The following RBFOX1 variants were observed in gnomAD, a reference collection of about 807,000 sequenced individuals.
RBFOX1 encodes the protein RNA binding protein fox-1 homolog 1.
RBFOX1 carries 8 observed loss-of-function variants against 57.7 expected under a neutral mutation model. The ratio of observed to expected loss-of-function variants is 0.14; its 90% CI spans 0.08 to 0.25. RBFOX1 has a LOEUF of 0.25. RBFOX1 is among the 10% of genes least tolerant of loss of function. RBFOX1 has a pLI of 1.00. For missense variants in RBFOX1, 611 were observed against 548.5 expected (o/e 1.11, Z -1.14); for synonymous variants, 326 against 222.4 (o/e 1.47, Z -4.15).
intron 3 of RBFOX1, among the ~76,000 whole-genome samples, chr16:6,798,540 C>A (rs915039789): frequency 6.6e-6 from 1 of 152,074 alleles, no homozygotes; most frequent in African/African-American, 2.4e-5. Flanking sequence ...AGATAACACC[C>A]CCAATTCTAA....
At chr16:6,020,057 C>A (rs1315085786) in intron 1 of RBFOX1, 65 bp downstream of exon 1, 3 of 1,363,810 alleles carry the variant, frequency 2.2e-6, no homozygotes, top group Non-Finnish European at 2.9e-6. Context: ...TCCAGAAGGT[C>A]TCATGGAGGG....
At chr16:5,844,310 G>T (rs1301475215) in intron 3 of RBFOX1, among the ~76,000 whole-genome samples, 4 of 152,176 alleles carry the variant, frequency 2.6e-5, no homozygotes, top group African/African-American at 7.2e-5. Context: ...AATGATGCAT[G>T]CTGCATTTTA....
chr16:5,412,871 G>C (rs1200218147), intron 1 of RBFOX1, among the ~76,000 whole-genome samples: 1 of 152,192 alleles, frequency 6.6e-6, no homozygotes, highest in Non-Finnish European at 1.5e-5. Context: ...GCAGACAACT[G>C]TGAGCAAATG....
chr16:6,670,863 G>A (rs968629224), intron 3 of RBFOX1, among the ~76,000 whole-genome samples: 4 of 151,888 alleles, frequency 2.6e-5, no homozygotes, highest in South Asian at 2.1e-4. Context: ...AGCCGGGCAT[G>A]GTGGCGGGAG....
At chr16:5,416,726 C>T (rs960161825) in intron 1 of RBFOX1, among the ~76,000 whole-genome samples, 1 of 151,240 alleles carries the variant, frequency 6.6e-6, no homozygotes, top group Admixed American at 6.6e-5. Flanking sequence ...CTCTGTATCT[C>T]CTCTTTTGGG....
chr16:5,558,056 C>G (rs1163052171), intron 2 of RBFOX1, among the ~76,000 whole-genome samples: 1 of 152,156 alleles, frequency 6.6e-6, no homozygotes, highest in Non-Finnish European at 1.5e-5. Flanking sequence ...ACTCTATCCC[C>G]CGCTTCCAGC....
chr16:6,146,137 C>T (rs766658209), intron 1 of RBFOX1, among the ~76,000 whole-genome samples: 22 of 152,220 alleles, frequency 1.4e-4, no homozygotes, highest in Admixed American at 5.2e-4. Flanking sequence ...TATATCACCC[C>T]GAAAACAGCA....
At chr16:5,772,581 C>G (rs1015573485) in intron 3 of RBFOX1, among the ~76,000 whole-genome samples, 5 of 152,224 alleles carry the variant, frequency 3.3e-5, no homozygotes, top group African/African-American at 7.2e-5. Context: ...AGCATATCTG[C>G]AAGTATTTAT....
At chr16:6,971,266 A>G (rs2085476423) in intron 3 of RBFOX1, among the ~76,000 whole-genome samples, 1 of 152,172 alleles carries the variant, frequency 6.6e-6, no homozygotes, top group Non-Finnish European at 1.5e-5. Flanking sequence ...CTTCTGGAAC[A>G]CCTTGGGGAT....
At chr16:7,491,496 G>T (rs370811780) in intron 4 of RBFOX1, among the ~76,000 whole-genome samples, 1 of 151,454 alleles carries the variant, frequency 6.6e-6, no homozygotes, top group Admixed American at 6.6e-5. Context: ...CTGATTTTCA[G>T]AATTCCTTTG....
chr16:6,734,700 G>C (rs955773534), intron 3 of RBFOX1, among the ~76,000 whole-genome samples: 1 of 152,174 alleles, frequency 6.6e-6, no homozygotes, highest in Non-Finnish European at 1.5e-5. Context: ...GGAAGAGTCA[G>C]AAAGCAGCAC....
chr16:5,471,490 CA>C (rs1401618381), intron 2 of RBFOX1, among the ~76,000 whole-genome samples: 1 of 151,964 alleles, frequency 6.6e-6, no homozygotes, highest in African/African-American at 2.4e-5. Context: ...GCTGGCAGCC[CA>C]GGAAGCTGAA....
intron 3 of RBFOX1, among the ~76,000 whole-genome samples, chr16:5,803,497 ACTTT>A (rs1257897824): frequency 6.6e-6 from 1 of 152,204 alleles, no homozygotes; most frequent in African/African-American, 2.4e-5. Context: ...TAACGGTGCT[ACTTT>A]CTTTGTGAGA....
intron 2 of RBFOX1, among the ~76,000 whole-genome samples, chr16:5,524,752 G>A (rs570220575): frequency 6.6e-6 from 1 of 152,110 alleles, no homozygotes; most frequent in African/African-American, 2.4e-5. Context: ...TGTTGGCCAG[G>A]CTGGTCTTGA....
At chr16:7,684,310 T>C (rs374401055) in intron 14 of RBFOX1, among the ~76,000 whole-genome samples, 19 of 152,154 alleles carry the variant, frequency 1.2e-4, no homozygotes, top group African/African-American at 4.6e-4. Context: ...AATTAACATA[T>C]GAAACATTTA....
At chr16:5,270,371 T>A (rs113331937) in intron 1 of RBFOX1, 14 of 1,228,902 alleles carry the variant, frequency 1.1e-5, no homozygotes, top group African/African-American at 4.4e-5. Context: ...GGGTCTTGTG[T>A]TTGAAGTGAG....
intron 3 of RBFOX1, among the ~76,000 whole-genome samples, chr16:5,640,542 A>G (rs146826353): frequency 1.3e-5 from 2 of 151,664 alleles, no homozygotes; most frequent in African/African-American, 2.4e-5. Context: ...ACACACATGC[A>G]CATACATGCA....
At chr16:6,905,966 C>G (rs532959033) in intron 3 of RBFOX1, among the ~76,000 whole-genome samples, 1 of 152,164 alleles carries the variant, frequency 6.6e-6, no homozygotes, top group Non-Finnish European at 1.5e-5. Flanking sequence ...TTGTTAGGTG[C>G]CAGGCTGCAG....
Position 7,438,041 on chromosome 16 carries a change from G to A in RBFOX1, c.28-80106G>A, listed in dbSNP as rs574799628. Among the ~76,000 whole-genome samples the A allele has an allele frequency of 3.3e-5, 5 of 152,244 alleles. No homozygotes were observed. In the East Asian group the frequency reaches 5.8e-4, roughly 18 times the overall value. ...CATGTCAGTGCGACAGTTGATGTGC[G>A]TCTCATTGTATTTAAAATTATAGTT... On this transcript the variant is annotated intron_variant, in intron 4 of 15. Transcript: ENST00000550418.
Sources: gnomAD v4.1 joint callset for allele counts (sites outside exome capture counted in the v4.1 genomes callset) on GRCh38, gnomAD v4.1.1 for gene constraint, MANE v1.5 for transcripts, NCBI Gene and HGNC (gene_info 2026-07-23, HGNC 2026-07-21) for gene names.